Variants in P2RX3 observed in about 807,000 individuals in gnomAD.
P2RX3 encodes the protein purinergic receptor P2X 3.
In P2RX3, 41 loss-of-function variants were observed where a neutral mutation model predicts 51.5. The observed-to-expected ratio is 0.80, with a 90% CI of 0.62 to 1.03. The LOEUF is 1.03. P2RX3 is among the 50% of genes least tolerant of loss of function. The pLI, the probability that P2RX3 is intolerant of heterozygous loss-of-function variation, is 0.00. For synonymous variants in P2RX3, 185 were observed against 191.6 expected (o/e 0.97, Z 0.29); for missense variants, 459 against 522.1 (o/e 0.88, Z 1.18).
chr11:57,368,347 C>T (rs1408918409), intron 9 of P2RX3, 25 bp from the exon 10 acceptor site: 1 of 1,613,986 alleles, frequency 6.2e-7, no homozygotes. Context: ...CCTCTGCCCA[C>T]TTGCCTTGGT....
rs769682552 is a variant in P2RX3, at chr11:57,368,034, A to G, written c.868A>G (p.Asn290Asp). 6.2e-7 allele frequency: 1 copy of G among 1,614,082 alleles called. No individual in the cohort carries two copies. The highest frequency in any genetic ancestry group is 8.5e-7 in the Non-Finnish European group (1 of 1,180,010). ...FRFAKYYKMENGSEYRTLLKA... is the reference protein window; with the variant it reads ...FRFAKYYKMEDGSEYRTLLKA... ...GTTTGCCAAGTACTACAAAATGGAA[A>G]ATGGCAGTGAGTACCGCACCCTCCT... is the stretch of plus-strand genomic sequence containing the variant. Residue 290 changes from asparagine (N) to aspartate (D), a missense_variant, in exon 9 of 12, where the codon AAT becomes GAT. By Grantham distance (23) the Asn-to-Asp change is conservative. Coordinates refer to ENST00000263314, the MANE Select transcript of P2RX3 (RefSeq NM_002559.5).
intron 10 of P2RX3, among the ~76,000 whole-genome samples, chr11:57,368,992 T>G (rs1277079889): frequency 1.3e-5 from 2 of 152,124 alleles, no homozygotes; most frequent in African/African-American, 2.4e-5. Flanking sequence ...TCTGCTAACA[T>G]GCTAGCTCGG....
At chr11:57,345,661 G>A (rs1856417185) in intron 1 of P2RX3, among the ~76,000 whole-genome samples, 1 of 152,230 alleles carries the variant, frequency 6.6e-6, no homozygotes, top group African/African-American at 2.4e-5. Context: ...TTATAGGAAA[G>A]CAGAGGCACG....
At position 57,371,897 on chromosome 11, in the gene P2RX3, C is replaced by T. The variant is rs572762468; in HGVS notation, c.*1900C>T. ...TGGTGTCCTGAAGGGACCCTCCCCCCCAACCCCTCCCTTTTACCCAGATGG... is the reference window on the plus strand; with the variant it reads ...TGGTGTCCTGAAGGGACCCTCCCCCTCAACCCCTCCCTTTTACCCAGATGG... On this transcript the variant is annotated 3_prime_UTR_variant, in exon 12 of 12. Transcript: ENST00000263314. 2.0e-5 allele frequency among the ~76,000 whole-genome samples: 3 copies of T among 152,164 alleles called. No individual in the cohort carries two copies. In the East Asian group the frequency reaches 5.8e-4, roughly 29 times the overall value.
intron 8 of P2RX3, among the ~76,000 whole-genome samples, chr11:57,359,557 C>T (rs1459677188): frequency 1.3e-5 from 2 of 152,226 alleles, no homozygotes; most frequent in Non-Finnish European, 2.9e-5. Flanking sequence ...TCCAGCTCAG[C>T]GCTGGCAGCT....
chr11:57,363,992 C>T (rs1036302116), intron 8 of P2RX3, among the ~76,000 whole-genome samples: 4 of 152,226 alleles, frequency 2.6e-5, no homozygotes, highest in Non-Finnish European at 5.9e-5. Flanking sequence ...CCTTCACATT[C>T]CTTCCCAGGA....
chr11:57,346,616 G>C lies in P2RX3; in HGVS notation c.192G>C (p.Val64=), dbSNP rs746618132. ...TAIESSVVTK[V]KGSGLYANRV... ...TTGAGTCCTCGGTGGTAACCAAGGT[G>C]AAGGGCTCCGGACTCTACGCCAACA... The change falls in exon 2 of 12, where the codon GTG becomes GTC. Residue 64 remains valine, a synonymous_variant. Transcript: ENST00000263314. 9.9e-6 allele frequency: 16 copies of C among 1,614,192 alleles called. 2 individuals are homozygous for C. The highest frequency in any genetic ancestry group is 1.7e-4 in the Middle Eastern group (1 of 6,058).
chr11:57,352,573 A>G (rs3781902), intron 8 of P2RX3, among the ~76,000 whole-genome samples: 71,440 of 152,052 alleles, frequency 0.47, 19,162 homozygotes, highest in East Asian at 0.69. Flanking sequence ...CATTTGGCAG[A>G]AAAGCTTATG....
chr11:57,365,453 G>C (rs558091656), intron 8 of P2RX3, among the ~76,000 whole-genome samples: 3 of 152,130 alleles, frequency 2.0e-5, no homozygotes, highest in Non-Finnish European at 4.4e-5. Context: ...TCCTCTCAGC[G>C]CCTTCCATTG....
intron 10 of P2RX3, 43 bp downstream of exon 10, chr11:57,368,480 G>C: frequency 6.2e-7 from 1 of 1,603,030 alleles, no homozygotes; most frequent in East Asian, 2.2e-5. Context: ...AGTCAGAGTG[G>C]GGCCCGGACT....
upstream of P2RX3, among the ~76,000 whole-genome samples, chr11:57,336,081 A>C (rs1034013576): frequency 6.6e-6 from 1 of 152,200 alleles, no homozygotes; most frequent in African/African-American, 2.4e-5. Flanking sequence ...GAGACTAGAT[A>C]CTAAAGAGAA....
At chr11:57,358,236 T>A (rs1310592709) in intron 8 of P2RX3, among the ~76,000 whole-genome samples, 1 of 152,248 alleles carries the variant, frequency 6.6e-6, no homozygotes, top group African/African-American at 2.4e-5. Context: ...CTACAGGTAG[T>A]GAGTTTCCTT....
intron 8 of P2RX3, among the ~76,000 whole-genome samples, chr11:57,351,272 AT>A (rs922503859): frequency 6.6e-6 from 1 of 152,128 alleles, no homozygotes; most frequent in African/African-American, 2.4e-5. Flanking sequence ...CTGGGCCTGA[AT>A]TTTCTAAGGT....
chr11:57,362,416 G>T (rs576760740), intron 8 of P2RX3, among the ~76,000 whole-genome samples: 1 of 152,296 alleles, frequency 6.6e-6, no homozygotes, highest in African/African-American at 2.4e-5. Context: ...GAAAATCAAG[G>T]CTTGGGCATG....
Position 57,350,268 on chromosome 11 carries a change from G to C in P2RX3, c.705+370G>C, listed in dbSNP as rs923564798. ...AAGATCCCAAAATTAGGACTCAGAG[G>C]CTCCAATGTTCGCATCCGAGCCACA... is the stretch of plus-strand genomic sequence containing the variant. On this transcript the variant is annotated intron_variant, in intron 7 of 11. Coordinates refer to ENST00000263314, the MANE Select transcript of P2RX3 (RefSeq NM_002559.5). 1.4e-5 allele frequency: 3 copies of C among 210,856 alleles called. No individual in the cohort carries two copies. In the Admixed American group the frequency reaches 1.7e-4, roughly 12 times the overall value. The allele number at this position is 210,856 out of a possible 1,614,324, so 13.1% of individuals were successfully genotyped here.
At chr11:57,362,028 G>A (rs1341463046) in intron 8 of P2RX3, among the ~76,000 whole-genome samples, 2 of 152,204 alleles carry the variant, frequency 1.3e-5, no homozygotes, top group Non-Finnish European at 2.9e-5. Flanking sequence ...CAAGGTATCA[G>A]CAGTACCTAG....
intron 1 of P2RX3, among the ~76,000 whole-genome samples, chr11:57,345,026 A>G (rs1034736421): frequency 1.3e-5 from 2 of 152,158 alleles, no homozygotes; most frequent in East Asian, 3.9e-4. Context: ...GGTGAGCAAC[A>G]TGCTGTCCTG....
chr11:57,350,372 C>T (rs1489485096), intron 7 of P2RX3: 6 of 172,776 alleles, frequency 3.5e-5, no homozygotes, highest in Non-Finnish European at 4.5e-5. Flanking sequence ...GATTTCGGCT[C>T]ACTGCAACCT....
chr11:57,368,243 T>C, intron 9 of P2RX3, 129 bp from the exon 10 acceptor site: 1 of 1,314,698 alleles, frequency 7.6e-7, no homozygotes, highest in East Asian at 2.3e-5. Flanking sequence ...CTCCCATCAA[T>C]TCACCTGTCC....
Sources: gnomAD v4.1 joint callset for allele counts (sites outside exome capture counted in the v4.1 genomes callset) on GRCh38, gnomAD v4.1.1 for gene constraint, MANE v1.5 for transcripts, NCBI Gene and HGNC (gene_info 2026-07-23, HGNC 2026-07-21) for gene names.